GPC5: variants seen among roughly 807,000 people sequenced by gnomAD.
The protein encoded by GPC5 is glypican-5.
GPC5 carries 47 observed loss-of-function variants against 53.9 expected under a neutral mutation model. The ratio of observed to expected loss-of-function variants is 0.87; its 90% CI spans 0.69 to 1.11. GPC5 has a LOEUF of 1.11. GPC5 is among the 50% of genes most tolerant of loss of function. The pLI, the probability that GPC5 is intolerant of heterozygous loss-of-function variation, is 0.00. For synonymous variants in GPC5, 286 were observed against 263.3 expected (o/e 1.09, Z -0.84); for missense variants, 748 against 713.1 (o/e 1.05, Z -0.56).
chr13:91,474,689 G>C (rs775531323), intron 2 of GPC5, among the ~76,000 whole-genome samples: 2 of 152,084 alleles, frequency 1.3e-5, no homozygotes, highest in Non-Finnish European at 2.9e-5. Context: ...AAGACAAGAA[G>C]AATGGTTTCC....
At chr13:92,547,385 A>T (rs1476125715) in intron 7 of GPC5, among the ~76,000 whole-genome samples, 1 of 152,212 alleles carries the variant, frequency 6.6e-6, no homozygotes, top group African/African-American at 2.4e-5. Context: ...TCTGCTATTC[A>T]CAAAGTCCTA....
intron 7 of GPC5, among the ~76,000 whole-genome samples, chr13:92,466,584 C>T (rs768887893): frequency 6.6e-6 from 1 of 152,048 alleles, no homozygotes; most frequent in Non-Finnish European, 1.5e-5. Flanking sequence ...TATGGAAGCA[C>T]TAATTCTTAT....
At chr13:92,171,215 C>T (rs1416584858) in intron 7 of GPC5, among the ~76,000 whole-genome samples, 1 of 152,024 alleles carries the variant, frequency 6.6e-6, no homozygotes. Flanking sequence ...CTTTTTTGTT[C>T]TATGTACCAG....
At chr13:92,721,788 A>T (rs915393807) in intron 7 of GPC5, among the ~76,000 whole-genome samples, 15 of 152,122 alleles carry the variant, frequency 9.9e-5, no homozygotes, top group Admixed American at 3.9e-4. Context: ...TCACTGTGTT[A>T]TTGAAGATAA....
At chr13:92,178,363 C>T (rs1245875089) in intron 7 of GPC5, among the ~76,000 whole-genome samples, 1 of 151,688 alleles carries the variant, frequency 6.6e-6, no homozygotes, top group Non-Finnish European at 1.5e-5. Context: ...GAGGTATTTG[C>T]CACTTTGGTT....
chr13:92,362,137 A>G (rs1312571760), intron 7 of GPC5, among the ~76,000 whole-genome samples: 1 of 151,634 alleles, frequency 6.6e-6, no homozygotes, highest in Non-Finnish European at 1.5e-5. Flanking sequence ...TCATCCTCTC[A>G]TTTACCCAGT....
intron 6 of GPC5, among the ~76,000 whole-genome samples, chr13:91,963,551 A>T (rs1054793762): frequency 8.6e-5 from 13 of 151,422 alleles, no homozygotes; most frequent in African/African-American, 2.7e-4. Flanking sequence ...TAGATTGGTC[A>T]TATGTAGCAG....
intron 6 of GPC5, among the ~76,000 whole-genome samples, chr13:92,039,752 T>C (rs947402345): frequency 6.6e-6 from 1 of 152,154 alleles, no homozygotes; most frequent in Admixed American, 6.5e-5. Flanking sequence ...CTTCACGTGT[T>C]TTTTTTTCTA....
At chr13:92,602,210 CATATATATAAAT>C (rs1884084581) in intron 7 of GPC5, among the ~76,000 whole-genome samples, 1 of 65,314 alleles carries the variant, frequency 1.5e-5, no homozygotes, top group African/African-American at 5.3e-5. Flanking sequence ...ATATATATTA[CATATATATAAAT>C]ATATATATAA....
At chr13:91,485,415 A>G (rs1454812444) in intron 2 of GPC5, among the ~76,000 whole-genome samples, 1 of 152,088 alleles carries the variant, frequency 6.6e-6, no homozygotes, top group Non-Finnish European at 1.5e-5. Flanking sequence ...ATGGGGTTTC[A>G]AAGTGTTGGC....
intron 5 of GPC5, among the ~76,000 whole-genome samples, chr13:91,864,912 T>G (rs2138918960): frequency 6.6e-6 from 1 of 151,506 alleles, no homozygotes; most frequent in South Asian, 2.1e-4. Context: ...TTTTTTTTTT[T>G]TTTTTAATTT....
intron 7 of GPC5, among the ~76,000 whole-genome samples, chr13:92,312,469 T>C (rs2043151606): frequency 6.6e-6 from 1 of 152,196 alleles, no homozygotes; most frequent in South Asian, 2.1e-4. Flanking sequence ...GGAGGTTGAT[T>C]ATATGAGAAA....
chr13:91,548,269 T>C (rs1217156619), intron 2 of GPC5, among the ~76,000 whole-genome samples: 3 of 152,182 alleles, frequency 2.0e-5, no homozygotes, highest in Non-Finnish European at 4.4e-5. Context: ...ATGGCAAGGA[T>C]GTAGGACGCA....
intron 6 of GPC5, among the ~76,000 whole-genome samples, chr13:91,959,124 G>A (rs1484460957): frequency 7.1e-6 from 1 of 141,632 alleles, no homozygotes; most frequent in Admixed American, 7.0e-5. Flanking sequence ...ACAGAAAGTT[G>A]TTTTTTTGAA....
chr13:92,014,734 T>C (rs1162333064), intron 6 of GPC5, among the ~76,000 whole-genome samples: 4 of 152,188 alleles, frequency 2.6e-5, no homozygotes, highest in Non-Finnish European at 5.9e-5. Context: ...ATATACATTA[T>C]TGACTCAATT....
intron 7 of GPC5, among the ~76,000 whole-genome samples, chr13:92,279,153 A>G (rs2042896068): frequency 6.6e-6 from 1 of 152,024 alleles, no homozygotes; most frequent in Admixed American, 6.5e-5. Context: ...TTGATTACCA[A>G]TACAGGCTAT....
At chr13:92,456,716 C>T (rs1878280429) in intron 7 of GPC5, among the ~76,000 whole-genome samples, 1 of 152,150 alleles carries the variant, frequency 6.6e-6, no homozygotes, top group Non-Finnish European at 1.5e-5. Flanking sequence ...GACTCTTGTC[C>T]TCCACTCTTG....
At chr13:91,442,776 G>T (rs1036928594) in intron 1 of GPC5, among the ~76,000 whole-genome samples, 6 of 152,208 alleles carry the variant, frequency 3.9e-5, no homozygotes, top group African/African-American at 1.4e-4. Flanking sequence ...AGGTCTGGTT[G>T]TCTCTGTGAT....
chr13:91,429,654 T>A (rs1000501924), intron 1 of GPC5, among the ~76,000 whole-genome samples: 1 of 152,160 alleles, frequency 6.6e-6, no homozygotes, highest in Admixed American at 6.5e-5. Flanking sequence ...GATCAGAGGA[T>A]TCCAGGTGAG....
Sources: gnomAD v4.1 joint callset for allele counts (sites outside exome capture counted in the v4.1 genomes callset) on GRCh38, gnomAD v4.1.1 for gene constraint, MANE v1.5 for transcripts, NCBI Gene and HGNC (gene_info 2026-07-23, HGNC 2026-07-21) for gene names.